Variants in PAK3 observed in about 807,000 individuals in gnomAD.
PAK3 encodes p21 (RAC1) activated kinase 3, also known as serine/threonine-protein kinase PAK 3.
Under a neutral mutation model 41.0 loss-of-function variants are expected in PAK3, and 4 were observed. That is an observed-to-expected ratio of 0.10 (90% CI 0.05 to 0.22). The LOEUF (loss-of-function observed/expected upper bound fraction) is 0.22, where lower values mean the gene tolerates loss of function less well. Ranked by LOEUF, PAK3 falls within the 10% of genes least tolerant of loss-of-function variation. The pLI is 1.00. For synonymous variants in PAK3, 146 were observed against 139.6 expected (o/e 1.05, Z -0.32); for missense variants, 205 against 409.9 (o/e 0.50, Z 4.32).
At position 111,028,018 on chromosome X, in the gene PAK3, C is replaced by CAT. The variant is rs199712505; in HGVS notation, c.-28+83397_-28+83398dup. Reference sequence around the variant, plus strand: ...ATGTGTGTGTGTGTATATATATATACATATATATGTGTGTATATATATATA... The same window carrying CAT: ...ATGTGTGTGTGTGTATATATATATACATATATATATGTGTGTATATATATATA... On this transcript the variant is annotated intron_variant, in intron 1 of 14. Transcript: ENST00000425146. Among the ~76,000 whole-genome samples, 281 of 102,666 alleles carry CAT rather than the reference C, an allele frequency of 2.7e-3. 2 individuals carry two copies. The highest frequency in any genetic ancestry group is 9.0e-3 in the African/African-American group (249 of 27,607). The allele number at this position is 102,666 out of a possible 115,157, so 89.2% of individuals were successfully genotyped here.
rs2090751669 is a variant in PAK3 at position 110,951,858 on chromosome X, A to T, written c.-28+7230A>T. 5.3e-5 allele frequency among the ~76,000 whole-genome samples: 6 copies of T among 112,526 alleles called. No individual in the cohort carries two copies. In the Admixed American group the frequency reaches 5.6e-4, roughly 11 times the overall value. Reference sequence around the variant, plus strand: ...GCAGCATCTGCAACAGCAGGCAATGATGAACTAACTTTAGAGCTCTATCTC... The same window carrying T: ...GCAGCATCTGCAACAGCAGGCAATGTTGAACTAACTTTAGAGCTCTATCTC... On this transcript the variant is annotated intron_variant, in intron 1 of 14. Coordinates refer to the PAK3 transcript ENST00000425146.
intron 1 of PAK3, among the ~76,000 whole-genome samples, chrX:111,077,962 A>G (rs1468156990): frequency 8.9e-6 from 1 of 112,053 alleles, no homozygotes; most frequent in Non-Finnish European, 1.9e-5. Context: ...CAATAGCAAG[A>G]AAACAAATAA....
At chrX:111,073,954 T>A (rs1603113371) in intron 1 of PAK3, among the ~76,000 whole-genome samples, 1 of 111,812 alleles carries the variant, frequency 8.9e-6, no homozygotes, top group Non-Finnish European at 1.9e-5. Context: ...TGTAAAAATC[T>A]TCAACAAAAT....
intron 10 of PAK3, among the ~76,000 whole-genome samples, chrX:111,171,280 G>GT (rs2094336764): frequency 9.0e-6 from 1 of 111,451 alleles, no homozygotes. Flanking sequence ...CCAACCAACT[G>GT]TACACTTCTT....
intron 16 of PAK3, among the ~76,000 whole-genome samples, chrX:111,213,380 A>G (rs1363499430): frequency 8.9e-6 from 1 of 112,346 alleles, no homozygotes; most frequent in East Asian, 2.8e-4. Flanking sequence ...AACAACTGTG[A>G]TTAAGGTCAT....
At chrX:110,959,117 A>G (rs2090926605) in intron 1 of PAK3, among the ~76,000 whole-genome samples, 1 of 111,989 alleles carries the variant, frequency 8.9e-6, no homozygotes, top group South Asian at 3.8e-4. Flanking sequence ...CAGGCTATGG[A>G]GTCACAGAAG....
At chrX:111,018,954 G>A (rs2092131281) in intron 1 of PAK3, among the ~76,000 whole-genome samples, 1 of 111,363 alleles carries the variant, frequency 9.0e-6, no homozygotes, top group Admixed American at 9.5e-5. Flanking sequence ...GTACCTTTTT[G>A]TACCCTTTTG....
chrX:110,972,546 C>T (rs2091232669), intron 1 of PAK3, among the ~76,000 whole-genome samples: 1 of 112,046 alleles, frequency 8.9e-6, no homozygotes, highest in African/African-American at 3.2e-5. Flanking sequence ...TACACCAAAA[C>T]CCCATCTGTA....
At chrX:111,080,870 T>C (rs1269521785) in intron 1 of PAK3, among the ~76,000 whole-genome samples, 1 of 112,113 alleles carries the variant, frequency 8.9e-6, no homozygotes, top group Non-Finnish European at 1.9e-5. Context: ...GAAAATGTAG[T>C]ATATATACAC....
intron 16 of PAK3, among the ~76,000 whole-genome samples, chrX:111,208,074 G>A (rs1417342671): frequency 4.4e-5 from 5 of 112,549 alleles, no homozygotes; most frequent in Admixed American, 1.9e-4. Context: ...GGTTACAGGC[G>A]TGAGCCACCA....
chrX:111,075,755 G>T (rs892059156), intron 1 of PAK3, among the ~76,000 whole-genome samples: 2 of 112,347 alleles, frequency 1.8e-5, no homozygotes, highest in African/African-American at 6.5e-5. Context: ...GCAGCAACTC[G>T]CATCCTCAGC....
At chrX:111,216,658 G>A (rs2094882550) in intron 17 of PAK3, 100 bp downstream of exon 17, 1 of 722,290 alleles carries the variant, frequency 1.4e-6, no homozygotes, top group Non-Finnish European at 2.2e-6. Context: ...CTAGAGTTAG[G>A]CTATTACCAT....
chrX:111,086,992 C>G (rs1169605553), intron 1 of PAK3, among the ~76,000 whole-genome samples: 3 of 111,029 alleles, frequency 2.7e-5, no homozygotes, highest in African/African-American at 9.8e-5. Context: ...TTAGCGTACT[C>G]TCCTAGCAGG....
At chrX:111,021,077 C>T (rs187980835) in intron 1 of PAK3, among the ~76,000 whole-genome samples, 6 of 111,702 alleles carry the variant, frequency 5.4e-5, no homozygotes, top group Non-Finnish European at 1.1e-4. Flanking sequence ...TACCTGCCCC[C>T]GGGAAGACAA....
At chrX:111,145,106 A>C (rs952845679) in intron 6 of PAK3, among the ~76,000 whole-genome samples, 2 of 111,847 alleles carry the variant, frequency 1.8e-5, no homozygotes, top group Admixed American at 1.9e-4. Context: ...CTAGGTCTTC[A>C]TTAGCTGTCT....
chrX:110,974,421 A>G (rs1246226282), intron 1 of PAK3, among the ~76,000 whole-genome samples: 2 of 112,174 alleles, frequency 1.8e-5, no homozygotes, highest in Non-Finnish European at 3.8e-5. Flanking sequence ...AAGAAGTTGA[A>G]TCTCTGAGTA....
At chrX:111,082,286 G>A (rs1373841794) in intron 1 of PAK3, among the ~76,000 whole-genome samples, 1 of 111,653 alleles carries the variant, frequency 9.0e-6, no homozygotes, top group Non-Finnish European at 1.9e-5. Context: ...AGAGCTTAAG[G>A]GGGACTGAGG....
At chrX:110,963,708 G>C (rs1038795714) in intron 1 of PAK3, among the ~76,000 whole-genome samples, 2 of 112,566 alleles carry the variant, frequency 1.8e-5, no homozygotes, top group Non-Finnish European at 3.8e-5. Context: ...TCAACTAACT[G>C]TATGACCTTG....
chrX:111,086,863 G>A (rs1405292396), intron 1 of PAK3, among the ~76,000 whole-genome samples: 1 of 111,561 alleles, frequency 9.0e-6, no homozygotes, highest in East Asian at 2.8e-4. Context: ...TGCTGGCTGG[G>A]GTCTGTGCTC....
Sources: gnomAD v4.1 joint callset for allele counts (sites outside exome capture counted in the v4.1 genomes callset) on GRCh38, gnomAD v4.1.1 for gene constraint, MANE v1.5 for transcripts, NCBI Gene and HGNC (gene_info 2026-07-23, HGNC 2026-07-21) for gene names.